The following SLC7A14 variants were observed in gnomAD, a reference collection of about 807,000 sequenced individuals.
The protein encoded by SLC7A14 is solute carrier family 7 member 14.
Under a neutral mutation model 60.2 loss-of-function variants are expected in SLC7A14, and 37 were observed. The ratio of observed to expected loss-of-function variants is 0.61; its 90% CI spans 0.47 to 0.81. The LOEUF is 0.81. Among genes scored for constraint, SLC7A14 ranks in the 30% least tolerant of loss-of-function variants. The probability of loss-of-function intolerance (pLI) is 0.00; values close to 1 mark genes in which losing one functional copy is unlikely to be tolerated. For missense variants in SLC7A14, 886 were observed against 982.7 expected (o/e 0.90, Z 1.32); for synonymous variants, 399 against 395.8 (o/e 1.01, Z -0.10).
intron 2 of SLC7A14, among the ~76,000 whole-genome samples, chr3:170,513,397 C>G (rs1713050090): frequency 1.3e-5 from 2 of 152,150 alleles, no homozygotes; most frequent in African/African-American, 4.8e-5. Flanking sequence ...CATTTATAAA[C>G]AAACTCTCAA....
At chr3:170,565,104 C>A (rs551550734) in intron 1 of SLC7A14, among the ~76,000 whole-genome samples, 4 of 152,252 alleles carry the variant, frequency 2.6e-5, no homozygotes, top group African/African-American at 7.2e-5. Flanking sequence ...AAGGCAACTT[C>A]AGTTGTTTCA....
intron 1 of SLC7A14, among the ~76,000 whole-genome samples, chr3:170,572,076 A>G (rs992568785): frequency 6.6e-6 from 1 of 151,670 alleles, no homozygotes; most frequent in East Asian, 1.9e-4. Flanking sequence ...AAAAAAAAAA[A>G]AAAAAGAAAG....
At chr3:170,489,064 C>A (rs182989591) in intron 4 of SLC7A14, among the ~76,000 whole-genome samples, 17 of 152,252 alleles carry the variant, frequency 1.1e-4, no homozygotes, top group Non-Finnish European at 1.0e-4. Flanking sequence ...ATTTCTTGAG[C>A]AATACCCCAC....
intron 1 of SLC7A14, among the ~76,000 whole-genome samples, chr3:170,541,569 G>C (rs1406072885): frequency 6.6e-6 from 1 of 152,226 alleles, no homozygotes; most frequent in Non-Finnish European, 1.5e-5. Flanking sequence ...ACTTACTCCA[G>C]TTTGGGTCAT....
intron 3 of SLC7A14, among the ~76,000 whole-genome samples, chr3:170,499,541 T>A (rs559767929): frequency 6.6e-6 from 1 of 152,258 alleles, no homozygotes; most frequent in East Asian, 1.9e-4. Context: ...TTGAAAATTG[T>A]TTTTAGCTTC....
chr3:170,506,707 G>A (rs1220170279), intron 2 of SLC7A14, among the ~76,000 whole-genome samples: 4 of 152,100 alleles, frequency 2.6e-5, no homozygotes, highest in Non-Finnish European at 5.9e-5. Context: ...AGATAATCAC[G>A]ACATGCTTCT....
At chr3:170,566,011 TG>T (rs761748254) in intron 1 of SLC7A14, among the ~76,000 whole-genome samples, 32 of 152,308 alleles carry the variant, frequency 2.1e-4, no homozygotes, top group Admixed American at 1.7e-3. Flanking sequence ...AATATGCTGC[TG>T]ATATAAATTT....
chr3:170,559,573 C>T (rs995970174), intron 1 of SLC7A14, among the ~76,000 whole-genome samples: 2 of 152,188 alleles, frequency 1.3e-5, no homozygotes, highest in African/African-American at 4.8e-5. Context: ...CCCTCGAACA[C>T]TCATTAGTTT....
chr3:170,541,178 G>T (rs1714006057), intron 1 of SLC7A14, among the ~76,000 whole-genome samples: 1 of 152,180 alleles, frequency 6.6e-6, no homozygotes, highest in East Asian at 1.9e-4. Flanking sequence ...GGCATTAATT[G>T]TAATATTACT....
intron 1 of SLC7A14, among the ~76,000 whole-genome samples, chr3:170,561,756 A>G (rs1463423710): frequency 2.0e-5 from 3 of 152,324 alleles, no homozygotes; most frequent in African/African-American, 7.2e-5. Flanking sequence ...CAAAGGACTA[A>G]TATCCAGAAT....
At chr3:170,533,650 A>AGTGT (rs55850380) in intron 1 of SLC7A14, among the ~76,000 whole-genome samples, 27,468 of 148,900 alleles carry the variant, frequency 0.18, 2,743 homozygotes, top group African/African-American at 0.26. Context: ...CATCTGGCCC[A>AGTGT]GTGTGTGTGT....
At chr3:170,548,548 T>C (rs949674862) in intron 1 of SLC7A14, among the ~76,000 whole-genome samples, 2 of 152,208 alleles carry the variant, frequency 1.3e-5, no homozygotes, top group African/African-American at 2.4e-5. Context: ...TCTTCCCCAC[T>C]CTTTGCCTAG....
intron 1 of SLC7A14, among the ~76,000 whole-genome samples, chr3:170,534,114 A>G (rs928018589): frequency 6.6e-6 from 1 of 152,172 alleles, no homozygotes; most frequent in Non-Finnish European, 1.5e-5. Flanking sequence ...TTGCTGTAGT[A>G]ACAAACAACC....
intron 2 of SLC7A14, among the ~76,000 whole-genome samples, chr3:170,504,843 G>C (rs1712724470): frequency 6.6e-6 from 1 of 152,154 alleles, no homozygotes; most frequent in African/African-American, 2.4e-5. Flanking sequence ...CTCAGTGAAG[G>C]TGGTACTGAC....
intron 1 of SLC7A14, among the ~76,000 whole-genome samples, chr3:170,540,306 ATTTAGTTAGG>A (rs1393441995): frequency 6.6e-6 from 1 of 152,212 alleles, no homozygotes. Context: ...AAATATTAAA[ATTTAGTTAGG>A]TTTAGAGCTA....
intron 1 of SLC7A14, among the ~76,000 whole-genome samples, chr3:170,554,139 C>A (rs998995958): frequency 6.6e-6 from 1 of 152,062 alleles, no homozygotes; most frequent in Admixed American, 6.6e-5. Context: ...AAAAAATGGG[C>A]AAGAGCAAGA....
intron 1 of SLC7A14, among the ~76,000 whole-genome samples, chr3:170,527,428 T>A (rs536621036): frequency 6.6e-6 from 1 of 152,298 alleles, no homozygotes; most frequent in South Asian, 2.1e-4. Context: ...ATGTGAAGAT[T>A]AGATGAGTGA....
At chr3:170,525,590 G>T (rs1041469501) in intron 2 of SLC7A14, among the ~76,000 whole-genome samples, 1 of 151,972 alleles carries the variant, frequency 6.6e-6, no homozygotes, top group Non-Finnish European at 1.5e-5. Flanking sequence ...TTGTCATTTT[G>T]CTGCTCTGCC....
At chr3:170,469,919 T>C (rs1739837948) in intron 7 of SLC7A14, among the ~76,000 whole-genome samples, 3 of 152,106 alleles carry the variant, frequency 2.0e-5, no homozygotes, top group African/African-American at 7.2e-5. Context: ...TTGACATCAC[T>C]CATCACTGGT....
Sources: allele counts gnomAD v4.1 joint callset (sites outside exome capture counted in the v4.1 genomes callset), GRCh38; gene constraint gnomAD v4.1.1; transcripts MANE v1.5; gene names NCBI Gene and HGNC (gene_info 2026-07-23, HGNC 2026-07-21).